Variants in C1QTNF3 observed in about 807,000 individuals in gnomAD.
C1QTNF3 encodes the protein complement C1q tumor necrosis factor-related protein 3.
A neutral mutation model predicts 32.6 loss-of-function variants in C1QTNF3; 26 were observed. The observed-to-expected ratio is 0.80, with a 90% CI of 0.58 to 1.11. C1QTNF3 has a LOEUF of 1.11. Among genes scored for constraint, C1QTNF3 ranks in the 50% least tolerant of loss-of-function variants. The pLI is 0.00. For synonymous variants in C1QTNF3, 155 were observed against 146.0 expected (o/e 1.06, Z -0.44); for missense variants, 362 against 398.2 (o/e 0.91, Z 0.77).
the C1QTNF3 span, among the ~76,000 whole-genome samples, chr5:34,122,461 G>A: frequency 1.3e-5 from 2 of 152,186 alleles, no homozygotes; most frequent in African/African-American, 2.4e-5. Flanking sequence ...AATTTTCCTC[G>A]TGTTTTCAGG....
chr5:34,145,678 CAAAA>C, the C1QTNF3 span, among the ~76,000 whole-genome samples: 3 of 96,938 alleles, frequency 3.1e-5, no homozygotes, highest in Non-Finnish European at 6.2e-5. Flanking sequence ...AGAGACACAG[CAAAA>C]AAAAAAAAAA....
the C1QTNF3 span, among the ~76,000 whole-genome samples, chr5:34,176,249 G>A: frequency 3.5e-4 from 48 of 135,928 alleles, no homozygotes; most frequent in Non-Finnish European, 6.5e-4. Flanking sequence ...TCTGGGGACT[G>A]TTGTGCGGTG....
chr5:34,057,734 G>A, the C1QTNF3 span, among the ~76,000 whole-genome samples: 1 of 152,192 alleles, frequency 6.6e-6, no homozygotes, highest in Non-Finnish European at 1.5e-5. Context: ...ACGGCATTGA[G>A]GAAGGCTGGA....
chr5:34,135,673 A>G, the C1QTNF3 span, among the ~76,000 whole-genome samples: 2 of 149,698 alleles, frequency 1.3e-5, no homozygotes, highest in Non-Finnish European at 3.0e-5. Context: ...CCTAAGCAAA[A>G]ACAAAACAAA....
At chr5:34,135,231 G>A in the C1QTNF3 span, among the ~76,000 whole-genome samples, 4 of 152,216 alleles carry the variant, frequency 2.6e-5, no homozygotes, top group South Asian at 8.3e-4. Flanking sequence ...ATTGATTTGT[G>A]TATGTTGAAC....
the C1QTNF3 span, among the ~76,000 whole-genome samples, chr5:34,071,600 G>A: frequency 3.9e-5 from 6 of 151,936 alleles, no homozygotes; most frequent in Admixed American, 2.6e-4. Context: ...TAGGCATATC[G>A]TTTTTAAAAT....
chr5:34,108,177 A>G, the C1QTNF3 span, among the ~76,000 whole-genome samples: 1 of 151,984 alleles, frequency 6.6e-6, no homozygotes, highest in Non-Finnish European at 1.5e-5. Flanking sequence ...TTTTTTTGTT[A>G]TCGCTATATT....
chr5:34,081,355 CAAGTA>C, the C1QTNF3 span, among the ~76,000 whole-genome samples: 3 of 151,628 alleles, frequency 2.0e-5, no homozygotes, highest in South Asian at 2.1e-4. Context: ...TATTTATGTT[CAAGTA>C]AAGAAACATT....
In C1QTNF3 at chr5:34,033,337, C is replaced by G; in HGVS notation, c.537G>C (p.Glu179Asp). The G allele has an allele frequency of 6.2e-7, 1 of 1,613,852 alleles. No individual in the cohort carries two copies. Among genetic ancestry groups the G allele is most frequent in the Non-Finnish European group, 8.5e-7 (1 of 1,179,912 alleles). ...GERGQHGPKGEKGYPGIPPEL... is the reference protein window; with the variant it reads ...GERGQHGPKGDKGYPGIPPEL... ...CTGGTGGAATCCCCGGGTAGCCCTT[C>G]TCTCCTTTGGGGCCATGCTGCCCCC... Residue 179 changes from glutamate to aspartate, a missense_variant, in exon 3 of 6, where the codon GAG becomes GAC. Transcript: ENST00000382065.
chr5:34,175,981 A>C, the C1QTNF3 span: 1 of 783,662 alleles, frequency 1.3e-6, no homozygotes, highest in African/African-American at 1.7e-5. Flanking sequence ...CAAAGAGAAG[A>C]GTAAGAACTG....
chr5:34,081,416 A>T, the C1QTNF3 span, among the ~76,000 whole-genome samples: 1 of 151,770 alleles, frequency 6.6e-6, no homozygotes, highest in African/African-American at 2.4e-5. Context: ...ATTCTAAATG[A>T]CATTTTTCCT....
chr5:34,035,776 G>C lies in C1QTNF3; in HGVS notation c.304-18C>G, dbSNP rs1391362911. 1 of 1,585,994 alleles carries C rather than the reference G, an allele frequency of 6.3e-7. No homozygotes were observed. Among genetic ancestry groups the C allele is most frequent in the South Asian group, 1.1e-5 (1 of 89,326 alleles). ...TGTGGAGACTAAAAAGACAGAAAGA[G>C]AAGCTTCAGAAAAAAAGGTACTTGT... is the stretch of plus-strand genomic sequence containing the variant. On this transcript the variant is annotated intron_variant, in intron 1 of 5. Transcript: ENST00000382065.
Position 34,042,851 on chromosome 5 carries a change from A to T in C1QTNF3, c.275T>A (p.Leu92Gln). The T allele has an allele frequency of 6.2e-7, 1 of 1,614,104 alleles. No homozygotes were observed. The highest frequency in any genetic ancestry group is 8.5e-7 in the Non-Finnish European group (1 of 1,180,004). Residue 92 changes from leucine (L) to glutamine (Q), a missense_variant, in exon 1 of 6, where the codon CTA becomes CAA. Transcript: ENST00000382065. ...GCCCCAGAATGTGGTGATCTGGGCT[A>T]GGTCATCTACCTCGGGGTGCGGTAG... ...DELPHPEVDD[L>Q]AQITTFWGQS...
chr5:34,164,096 T>G, the C1QTNF3 span, among the ~76,000 whole-genome samples: 1 of 152,010 alleles, frequency 6.6e-6, no homozygotes, highest in African/African-American at 2.4e-5. Context: ...AAAAATAGCC[T>G]ATTCAATTAA....
At chr5:34,068,106 A>C in the C1QTNF3 span, among the ~76,000 whole-genome samples, 1 of 152,154 alleles carries the variant, frequency 6.6e-6, no homozygotes, top group East Asian at 1.9e-4. Flanking sequence ...ACATATGCAG[A>C]AGTTTACTTT....
chr5:34,088,695 T>C, the C1QTNF3 span, among the ~76,000 whole-genome samples: 9 of 152,176 alleles, frequency 5.9e-5, no homozygotes, highest in Non-Finnish European at 1.0e-4. Context: ...TGTTTGTTTA[T>C]GAAACTGGGT....
At chr5:34,042,522 G>C (rs1376542230) in intron 1 of C1QTNF3, among the ~76,000 whole-genome samples, 1 of 152,174 alleles carries the variant, frequency 6.6e-6, no homozygotes, top group African/African-American at 2.4e-5. Flanking sequence ...AACAGAGCAA[G>C]AAGGAAATCA....
upstream of C1QTNF3, among the ~76,000 whole-genome samples, chr5:34,046,571 C>G (rs905774310): frequency 6.6e-6 from 1 of 152,186 alleles, no homozygotes; most frequent in Non-Finnish European, 1.5e-5. Flanking sequence ...AAGCGTGGAA[C>G]AGATGATTCT....
chr5:34,169,617 T>C, the C1QTNF3 span, among the ~76,000 whole-genome samples: 1 of 152,196 alleles, frequency 6.6e-6, no homozygotes, highest in African/African-American at 2.4e-5. Context: ...TGCTTGGTTT[T>C]TGTTTTTCTT....
Sources: gnomAD v4.1 joint callset for allele counts (sites outside exome capture counted in the v4.1 genomes callset) on GRCh38, gnomAD v4.1.1 for gene constraint, MANE v1.5 for transcripts, NCBI Gene and HGNC (gene_info 2026-07-23, HGNC 2026-07-21) for gene names.